WDR81: variants seen among roughly 807,000 people sequenced by gnomAD.
WDR81 encodes WD repeat domain 81, also known as WD repeat-containing protein 81.
In WDR81, 92 loss-of-function variants were observed where a neutral mutation model predicts 140.8. That is an observed-to-expected ratio of 0.65 (90% confidence interval 0.55 to 0.78). The LOEUF (loss-of-function observed/expected upper bound fraction) is 0.78. Ranked by LOEUF, WDR81 falls within the 30% of genes least tolerant of loss-of-function variation. WDR81 has a pLI of 0.00. For missense variants in WDR81, 2,502 were observed against 2,636.4 expected, an observed-to-expected ratio of 0.95 and a Z score of 1.12; for synonymous variants, 1,183 against 1,156.4, an observed-to-expected ratio of 1.02 and a Z score of -0.47.
At position 1,737,665 on chromosome 17, in the gene WDR81, G is replaced by T. The variant is rs372195722; in HGVS notation, c.5806G>T (p.Val1936Phe). 13 of 1,610,796 alleles carry T rather than the reference G, an allele frequency of 8.1e-6. 1 individual carries two copies. The African/African-American group carries it at 1.1e-4, about 13-fold the overall frequency. Residue 1936 changes from valine (V) to phenylalanine (F), a missense_variant, in exon 10 of 10, where the codon GTT (valine) becomes TTT (phenylalanine). By Grantham distance (50) the Val-to-Phe change is conservative. Coordinates refer to ENST00000409644, the MANE Select transcript of WDR81 (RefSeq NM_001163809.2). ...CCTCCTGCTGGGCTCAGACAACGGG[G>T]TTATCCGCCTCCTGGCATAGACTGA... ...RHLLLGSDNG[V>F]IRLLA
chr17:1,726,137 A>T lies in WDR81; in HGVS notation c.1178A>T (p.His393Leu). Reference protein sequence around the residue: ...LPWVVDFTTPHGRFRDLRKSK... With the variant: ...LPWVVDFTTPLGRFRDLRKSK... ...TGGGTGGTGGACTTCACTACGCCCC[A>T]TGGGCGCTTCCGAGACCTGCGCAAG... Residue 393 changes from histidine (H) to leucine (L), a missense_variant, in exon 1 of 10, where the codon CAT (histidine) becomes CTT (leucine). His to Leu is a moderately conservative substitution (Grantham distance 99, BLOSUM62 -3). Around this residue, in one of 3 missense-constraint regions of WDR81, gnomAD observed 218 missense variants for 279.6 expected, o/e 0.78. Transcript: ENST00000409644. 1 of 1,533,308 alleles carries T rather than the reference A, an allele frequency of 6.5e-7. No individual in the cohort carries two copies. The highest frequency in any genetic ancestry group is 8.8e-7 in the Non-Finnish European group (1 of 1,135,442). 95.0% of individuals were successfully genotyped at this position (1,533,308 alleles called of 1,614,324 possible).
Position 1,730,807 on chromosome 17 carries a change from C to T in WDR81, c.3828C>T (p.Ser1276=), listed in dbSNP as rs201731412. 30 of 1,612,348 alleles carry T rather than the reference C, an allele frequency of 1.9e-5. No individual in the cohort carries two copies. Among genetic ancestry groups the T allele is most frequent in the South Asian group, 6.6e-5 (6 of 91,074 alleles). ...GCAGTGGCGAGAGCCCACCGCTGAG[C>T]GCCGGCAACATCTACCAGAAGAGGC... ...TVSSGESPPL[S]AGNIYQKRPV... is the part of the protein sequence containing the mutation. The change falls in exon 3 of 10, where the codon AGC becomes AGT. Residue 1276 remains serine, a synonymous_variant. Coordinates refer to ENST00000409644, the MANE Select transcript of WDR81 (RefSeq NM_001163809.2).
intron 9 of WDR81, among the ~76,000 whole-genome samples, chr17:1,736,625 A>G (rs1228066338): frequency 1.3e-5 from 2 of 152,192 alleles, no homozygotes; most frequent in African/African-American, 4.8e-5. Flanking sequence ...ACCGCTGAGC[A>G]GAGTCCATGG....
chr17:1,724,511 GC>G, upstream of WDR81: 1 of 985,742 alleles, frequency 1.0e-6, no homozygotes, highest in African/African-American at 1.7e-5. Flanking sequence ...GGTAGGCATC[GC>G]CCTCCGCCGG....
At chr17:1,737,264 C>A (rs2151178825) in intron 9 of WDR81, 101 bp from the exon 10 acceptor site, 1 of 1,248,276 alleles carries the variant, frequency 8.0e-7, no homozygotes, top group Non-Finnish European at 1.1e-6. Context: ...GACGGCCTGT[C>A]TCCCTGGAGA....
In WDR81 at chr17:1,727,345, T is replaced by G; in HGVS notation, c.2386T>G (p.Leu796Val). Reference protein sequence around the residue: ...RVRTLQPDAPLWVRFQAVRGL... With the variant: ...RVRTLQPDAPVWVRFQAVRGL... ...GCGGACGCTGCAGCCCGATGCACCT[T>G]TGTGGGTACGCTTCCAGGCTGTCCG... The change falls in exon 1 of 10, where the codon TTG becomes GTG. Residue 796 changes from leucine (L) to valine (V), a missense_variant. Leu to Val is a conservative substitution (Grantham distance 32). Transcript: ENST00000409644. 2 of 1,550,012 alleles carry G rather than the reference T, an allele frequency of 1.3e-6. No homozygotes were observed. The highest frequency in any genetic ancestry group is 1.7e-6 in the Non-Finnish European group (2 of 1,146,948).
upstream of WDR81, among the ~76,000 whole-genome samples, chr17:1,723,549 C>T (rs898307529): frequency 1.3e-5 from 2 of 149,750 alleles, no homozygotes; most frequent in African/African-American, 4.9e-5. Context: ...ACAGTGGCGC[C>T]ATCTCGGCTC....
At position 1,726,237 on chromosome 17, in the gene WDR81, A is replaced by C; in HGVS notation, c.1278A>C (p.Ala426=). ...AGATGACACGGCAGGCATTCGTAGCAGGCGGGGCGGGCGGCGGGGAACCCC... is the reference window on the plus strand; with the variant it reads ...AGATGACACGGCAGGCATTCGTAGCCGGCGGGGCGGGCGGCGGGGAACCCC... ...TYEMTRQAFV[A]GGAGGGEPPH... is the part of the protein sequence containing the mutation. The change falls in exon 1 of 10, where the codon GCA becomes GCC. Residue 426 remains alanine (A), a synonymous_variant. Transcript: ENST00000409644. The C allele has an allele frequency of 6.5e-7, 1 of 1,537,570 alleles. No homozygotes were observed. Among genetic ancestry groups the C allele is most frequent in the Non-Finnish European group, 8.8e-7 (1 of 1,138,986 alleles).
rs531333165 is a variant in WDR81 at position 1,727,631 on chromosome 17, G to A, written c.2672G>A (p.Arg891His). Residue 891 changes from arginine (R) to histidine (H), a missense_variant, in exon 1 of 10, where the codon CGT becomes CAT. This residue lies in a region of WDR81 where 1,737 missense variants were observed against 1,843.0 expected (regional missense o/e 0.94). Transcript: ENST00000409644. ...TTCATCCTCCTGTACCAGGCAAGGC[G>A]TGTGGAGGACGAGGCCCAGGGGCGC... ...HRFILLYQAR[R>H]VEDEAQGREL... 49 of 1,550,568 alleles carry A rather than the reference G, an allele frequency of 3.2e-5. No individual in the cohort carries two copies. The African/African-American group carries it at 4.9e-4, about 16-fold the overall frequency.
Position 1,726,973 on chromosome 17 carries a change from G to C in WDR81, c.2014G>C (p.Ala672Pro), listed in dbSNP as rs1915319693. 1 of 1,550,350 alleles carries C rather than the reference G, an allele frequency of 6.5e-7. No individual in the cohort carries two copies. The highest frequency in any genetic ancestry group is 8.7e-7 in the Non-Finnish European group (1 of 1,146,994). ...AGAAGCTCTGGATTCCATTTCCCTTGCTGGGAAAGCAGGTGACCAGCTGGG... is the reference window on the plus strand; with the variant it reads ...AGAAGCTCTGGATTCCATTTCCCTTCCTGGGAAAGCAGGTGACCAGCTGGG... ...ATEALDSISL[A>P]GKAGDQLGSS... Residue 672 changes from alanine to proline, a missense_variant, in exon 1 of 10, where the codon GCT (alanine) becomes CCT (proline). Ala to Pro is a conservative substitution (Grantham distance 27). Transcript: ENST00000409644.
Position 1,735,378 on chromosome 17 carries a change from G to A in WDR81, c.5180-194G>A, listed in dbSNP as rs568856899. Among the ~76,000 whole-genome samples, 406 of 152,288 alleles carry A rather than the reference G, an allele frequency of 2.7e-3. 2 individuals are homozygous for A. Among genetic ancestry groups the A allele is most frequent in the South Asian group, 5.2e-3 (25 of 4,828 alleles). On this transcript the variant is annotated intron_variant, in intron 7 of 9. Transcript: ENST00000409644. The surrounding 1 kb of genome is among the most constrained non-coding windows in gnomAD (Gnocchi z 4.2). ...TGGGAGGTGGAGGTTGCAGTGAGCC[G>A]AGATTGCACCACTGCACTCCAGCCT... is the stretch of plus-strand genomic sequence containing the variant.
Position 1,728,124 on chromosome 17 carries a change from G to A in WDR81, c.3165G>A (p.Glu1055=). 6.2e-7 allele frequency: 1 copy of A among 1,605,622 alleles called. No homozygotes were observed. Among genetic ancestry groups the A allele is most frequent in the Non-Finnish European group, 8.5e-7 (1 of 1,175,744 alleles). Residue 1055 remains glutamate, a synonymous_variant, in exon 1 of 10, where the codon GAG becomes GAA. Transcript: ENST00000409644. ...AFGEEIPMDG[E]PPASSGLGLP... is the part of the protein sequence containing the mutation. ...GGGAGGAGATTCCCATGGATGGGGA[G>A]CCTCCTGCCTCCTCGGGCCTGGGGC... is the stretch of plus-strand genomic sequence containing the variant.
chr17:1,725,902 G>A lies in WDR81; in HGVS notation c.943G>A (p.Glu315Lys). Residue 315 changes from glutamate (E) to lysine (K), a missense_variant, in exon 1 of 10, where the codon GAG becomes AAG. By Grantham distance (56) the Glu-to-Lys change is moderately conservative. Transcript: ENST00000409644. ...AYERPEEDEN[E>K]EAPVARDEAG... is the part of the protein sequence containing the mutation. ...TGAGAGGCCCGAGGAGGACGAGAATGAGGAGGCCCCTGTGGCAAGGGATGA... is the reference window on the plus strand; with the variant it reads ...TGAGAGGCCCGAGGAGGACGAGAATAAGGAGGCCCCTGTGGCAAGGGATGA... 6.4e-6 allele frequency: 10 copies of A among 1,550,882 alleles called. No individual in the cohort carries two copies. Among genetic ancestry groups the A allele is most frequent in the Non-Finnish European group, 8.7e-6 (10 of 1,146,968 alleles).
chr17:1,731,954 C>T (rs993401443), intron 4 of WDR81, among the ~76,000 whole-genome samples: 2 of 141,938 alleles, frequency 1.4e-5, no homozygotes, highest in Admixed American at 7.2e-5. Flanking sequence ...TATATATATG[C>T]TGGGTGCTGT....
upstream of WDR81, among the ~76,000 whole-genome samples, chr17:1,720,998 T>C (rs979007266): frequency 1.3e-5 from 2 of 152,118 alleles, no homozygotes; most frequent in African/African-American, 4.8e-5. Flanking sequence ...ACACACAGAC[T>C]TGCAGACAGA....
intron 1 of WDR81, among the ~76,000 whole-genome samples, chr17:1,719,407 C>T (rs568913579): frequency 1.1e-4 from 16 of 151,650 alleles, no homozygotes; most frequent in Non-Finnish European, 1.6e-4. Flanking sequence ...ATTAGCCGGG[C>T]GTGGTGGCGG....
chr17:1,722,053 G>A (rs537223370), upstream of WDR81, among the ~76,000 whole-genome samples: 3 of 152,126 alleles, frequency 2.0e-5, no homozygotes, highest in East Asian at 5.9e-4. Flanking sequence ...AACCCGGGAG[G>A]CGGAGATTGC....
rs746828815 is a variant in WDR81, at chr17:1,737,699, C to G, written c.*14C>G. 1.7e-5 allele frequency: 27 copies of G among 1,594,724 alleles called. No homozygotes were observed. The highest frequency in any genetic ancestry group is 2.2e-5 in the Non-Finnish European group (26 of 1,171,506). ...CTCCTGGCATAGACTGAGGCAGGAG[C>G]TGGCCGGGCAAGGGTGGGAAGACAT... On this transcript the variant is annotated 3_prime_UTR_variant, in exon 10 of 10. Coordinates refer to ENST00000409644, the MANE Select transcript of WDR81 (RefSeq NM_001163809.2).
In WDR81 at chr17:1,735,765, C is replaced by G. The variant is rs752519731; in HGVS notation, c.5325+48C>G. 3 of 1,565,748 alleles carry G rather than the reference C, an allele frequency of 1.9e-6. No homozygotes were observed. The highest frequency in any genetic ancestry group is 1.2e-5 in the South Asian group (1 of 85,202). On this transcript the variant is annotated intron_variant, in intron 8 of 9. Coordinates refer to ENST00000409644, the MANE Select transcript of WDR81 (RefSeq NM_001163809.2). The surrounding 1 kb of genome is among the most constrained non-coding windows in gnomAD (Gnocchi z 4.2). ...AGCACTCGCCTGGTTCTCTGGGGAC[C>G]TGGCAAGGAGGAGAGACTCCCCAAA... is the stretch of plus-strand genomic sequence containing the variant.
Sources: allele counts gnomAD v4.1 joint callset (sites outside exome capture counted in the v4.1 genomes callset), GRCh38; gene constraint gnomAD v4.1.1; regional missense constraint gnomAD v4.1.1; non-coding constraint Gnocchi (gnomAD v3.1); transcripts MANE v1.5; gene names NCBI Gene and HGNC (gene_info 2026-07-23, HGNC 2026-07-21).